PSMA1: variants seen among roughly 807,000 people sequenced by gnomAD.
PSMA1 encodes proteasome 20S subunit alpha 1.
A neutral mutation model predicts 38.4 loss-of-function variants in PSMA1; 3 were observed. The observed-to-expected ratio is 0.08, with a 90% confidence interval of 0.04 to 0.20. The LOEUF is 0.20. Among genes scored for constraint, PSMA1 ranks in the 10% least tolerant of loss-of-function variants. The pLI is 1.00. For missense variants in PSMA1, 227 were observed against 325.3 expected (o/e 0.70, Z 2.32); for synonymous variants, 101 against 107.1 (o/e 0.94, Z 0.35).
At chr11:14,525,418 C>T (rs1349235532) in intron 2 of PSMA1, among the ~76,000 whole-genome samples, 1 of 152,050 alleles carries the variant, frequency 6.6e-6, no homozygotes, top group Non-Finnish European at 1.5e-5. Flanking sequence ...CCATAAAAAT[C>T]TAATCACCCT....
At chr11:14,586,557 C>T (rs1176633410) in intron 2 of PSMA1, among the ~76,000 whole-genome samples, 1 of 151,800 alleles carries the variant, frequency 6.6e-6, no homozygotes, top group African/African-American at 2.4e-5. Flanking sequence ...CTATTTTATC[C>T]CCAAATAAAA....
rs990744690 is a variant in PSMA1 at position 14,574,046 on chromosome 11, A to G, written c.21+36920T>C. ...AACAAAGAAATAACCTGAAACTGGA[A>G]CTTATATTTAAAAGAGAAGCAGAGT... On this transcript the variant is annotated intron_variant, in intron 2 of 10. Coordinates refer to the PSMA1 transcript ENST00000418988. Among the ~76,000 whole-genome samples the G allele has an allele frequency of 2.6e-5, 4 of 152,342 alleles. No homozygotes were observed. In the South Asian group the frequency reaches 8.3e-4, roughly 32 times the overall value.
At chr11:14,526,594 G>A (rs144845437) in intron 2 of PSMA1, among the ~76,000 whole-genome samples, 6 of 150,944 alleles carry the variant, frequency 4.0e-5, no homozygotes, top group African/African-American at 9.7e-5. Flanking sequence ...CACACCTGAC[G>A]CATATACTTT....
At chr11:14,636,560 A>G (rs1190950712) in intron 1 of PSMA1, among the ~76,000 whole-genome samples, 1 of 152,150 alleles carries the variant, frequency 6.6e-6, no homozygotes, top group Non-Finnish European at 1.5e-5. Context: ...CCACTTCTCC[A>G]TATGTACTAC....
At chr11:14,583,133 C>T (rs1475910218) in intron 2 of PSMA1, among the ~76,000 whole-genome samples, 2 of 152,194 alleles carry the variant, frequency 1.3e-5, no homozygotes, top group African/African-American at 2.4e-5. Flanking sequence ...TGTGCTGCTA[C>T]AGCTCCTGGC....
In PSMA1 at chr11:14,518,998, TG is replaced by T; in HGVS notation, c.46del (p.Gln16ArgfsTer23). 1.3e-6 allele frequency: 2 copies of T among 1,582,020 alleles called. No individual in the cohort carries two copies. Among genetic ancestry groups the T allele is most frequent in the Admixed American group, 1.9e-5 (1 of 52,962 alleles). On this transcript the variant is annotated frameshift_variant and splice_region_variant, in exon 2 of 10. Coordinates refer to ENST00000396394, the MANE Select transcript of PSMA1 (RefSeq NM_002786.4). LOFTEE classifies it high-confidence loss of function. ...AAAGGTTTAAAAACATTATTTTACC[TG>T]GGGGCTCCAAACAGTGACATCATTG... ...YDNDVTVWSP[Q>X]GRIHQIEYAM... is the part of the protein sequence containing the mutation.
At chr11:14,633,485 G>C (rs1853063031) in intron 1 of PSMA1, among the ~76,000 whole-genome samples, 1 of 151,954 alleles carries the variant, frequency 6.6e-6, no homozygotes, top group Admixed American at 6.6e-5. Context: ...TGAGGAGGCA[G>C]TCTGCCCGTT....
chr11:14,636,698 A>G (rs916224141), intron 1 of PSMA1, among the ~76,000 whole-genome samples: 10 of 152,166 alleles, frequency 6.6e-5, no homozygotes, highest in African/African-American at 1.9e-4. Flanking sequence ...TTTACTCTCA[A>G]TTATTCCTCT....
At chr11:14,592,038 T>C (rs1489203617) in intron 2 of PSMA1, among the ~76,000 whole-genome samples, 2 of 149,732 alleles carry the variant, frequency 1.3e-5, no homozygotes, top group Non-Finnish European at 3.0e-5. Flanking sequence ...AAGGAACAAC[T>C]CCAGACATGC....
At chr11:14,629,068 C>T (rs1852961604) in intron 1 of PSMA1, among the ~76,000 whole-genome samples, 3 of 151,594 alleles carry the variant, frequency 2.0e-5, no homozygotes, top group Non-Finnish European at 4.4e-5. Context: ...TGGATATTAG[C>T]CCTTTGTCAG....
At chr11:14,511,781 A>G (rs1477521062) in intron 7 of PSMA1, among the ~76,000 whole-genome samples, 1 of 152,212 alleles carries the variant, frequency 6.6e-6, no homozygotes, top group Non-Finnish European at 1.5e-5. Flanking sequence ...ACTTATATTC[A>G]TCATTGTACC....
intron 1 of PSMA1, among the ~76,000 whole-genome samples, chr11:14,621,450 T>C (rs1852842533): frequency 6.6e-6 from 1 of 152,072 alleles, no homozygotes; most frequent in Admixed American, 6.6e-5. Context: ...TTTGTTTTTT[T>C]TGTAGAGATG....
intron 2 of PSMA1, among the ~76,000 whole-genome samples, chr11:14,544,025 T>C (rs1056275859): frequency 2.0e-5 from 3 of 152,168 alleles, no homozygotes; most frequent in African/African-American, 7.2e-5. Flanking sequence ...TATAATAACT[T>C]GTACTACCTC....
rs1033733162 is a variant in PSMA1, at chr11:14,560,255, G to A, written c.22-41214C>T. On this transcript the variant is annotated intron_variant, in intron 2 of 10. Coordinates refer to the PSMA1 transcript ENST00000418988. ...TCTACTAATTTTGCACAAGTTCCAG[G>A]AACAGTTCCTCCAGTATCCTGGTTA... 4.6e-5 allele frequency among the ~76,000 whole-genome samples: 7 copies of A among 152,170 alleles called. No individual in the cohort carries two copies. The South Asian group carries it at 1.4e-3, about 32-fold the overall frequency.
intron 8 of PSMA1, among the ~76,000 whole-genome samples, chr11:14,509,938 T>C (rs1177835303): frequency 1.3e-5 from 2 of 150,566 alleles, no homozygotes; most frequent in South Asian, 2.1e-4. Flanking sequence ...TTAGCCAGGA[T>C]AGTCTTGATC....
At chr11:14,589,009 G>T (rs541772302) in intron 2 of PSMA1, among the ~76,000 whole-genome samples, 1 of 151,952 alleles carries the variant, frequency 6.6e-6, no homozygotes, top group Non-Finnish European at 1.5e-5. Context: ...CCTCCTTTAG[G>T]CATTCACCCT....
chr11:14,582,989 G>A (rs1352839544), intron 2 of PSMA1, among the ~76,000 whole-genome samples: 1 of 152,172 alleles, frequency 6.6e-6, no homozygotes, highest in Non-Finnish European at 1.5e-5. Context: ...AAACCCAGCT[G>A]GATTTTTGCT....
At position 14,573,612 on chromosome 11, in the gene PSMA1, A is replaced by G. The variant is rs1268678959; in HGVS notation, c.21+37354T>C. Among the ~76,000 whole-genome samples the G allele has an allele frequency of 3.3e-5, 5 of 152,356 alleles. No individual in the cohort carries two copies. In the East Asian group the frequency reaches 9.6e-4, roughly 29 times the overall value. ...CTTTGAAAACTGGCACAAGACAGGG[A>G]TGGCCTCTCTCACCACTCCTATTCA... On this transcript the variant is annotated intron_variant, in intron 2 of 10. Transcript: ENST00000418988.
chr11:14,643,611 G>T (rs7106123), exon 1 of PSMA1: 21,209 of 151,386 alleles, frequency 0.14, 2,129 homozygotes, highest in African/African-American at 0.29. Context: ...CGTGGTCCCG[G>T]CTCGCGTCCC....
Sources: gnomAD v4.1 joint callset for allele counts (sites outside exome capture counted in the v4.1 genomes callset) on GRCh38, gnomAD v4.1.1 for gene constraint, MANE v1.5 for transcripts, NCBI Gene and HGNC (gene_info 2026-07-23, HGNC 2026-07-21) for gene names.